Variants in GSK3B observed in about 807,000 individuals in gnomAD.
The protein encoded by GSK3B is glycogen synthase kinase 3 beta.
GSK3B carries 15 observed loss-of-function variants against 56.4 expected under a neutral mutation model. That is an observed-to-expected ratio of 0.27 (90% confidence interval 0.18 to 0.41). The LOEUF (loss-of-function observed/expected upper bound fraction) is 0.41. Ranked by LOEUF, GSK3B falls within the 10% of genes least tolerant of loss-of-function variation. The probability of loss-of-function intolerance (pLI) is 1.00; values close to 1 mark genes in which losing one functional copy is unlikely to be tolerated. For synonymous variants in GSK3B, 181 were observed against 188.9 expected (o/e 0.96, Z 0.34); for missense variants, 300 against 513.4 (o/e 0.58, Z 4.02).
At chr3:120,049,519 A>T (rs2058130239) in intron 1 of GSK3B, among the ~76,000 whole-genome samples, 1 of 152,228 alleles carries the variant, frequency 6.6e-6, no homozygotes, top group African/African-American at 2.4e-5. Flanking sequence ...GAGAAGAGAG[A>T]ACATTTAAGG....
At chr3:119,988,594 G>C (rs1008703817) in intron 2 of GSK3B, among the ~76,000 whole-genome samples, 1 of 152,204 alleles carries the variant, frequency 6.6e-6, no homozygotes, top group African/African-American at 2.4e-5. Context: ...TGTGTACACA[G>C]TCCCTGTACA....
intron 2 of GSK3B, among the ~76,000 whole-genome samples, chr3:119,976,481 G>A (rs530263822): frequency 1.1e-4 from 17 of 152,204 alleles, no homozygotes; most frequent in African/African-American, 3.4e-4. Context: ...ACAAAAGATC[G>A]TACATTGTGT....
intron 5 of GSK3B, 36 bp downstream of exon 5, chr3:119,916,007 GA>G: frequency 1.3e-6 from 2 of 1,504,190 alleles, no homozygotes; most frequent in East Asian, 2.3e-5. Flanking sequence ...GGGAGGAGGG[GA>G]AAAGGGAAGG....
intron 8 of GSK3B, among the ~76,000 whole-genome samples, chr3:119,873,559 A>G (rs1269348914): frequency 1.3e-5 from 2 of 152,104 alleles, no homozygotes; most frequent in African/African-American, 4.8e-5. Context: ...AAATGACTCA[A>G]TTGGCTGCTT....
intron 3 of GSK3B, among the ~76,000 whole-genome samples, chr3:119,930,761 A>G (rs980867310): frequency 3.9e-5 from 6 of 152,256 alleles, no homozygotes; most frequent in African/African-American, 1.4e-4. Flanking sequence ...CCAATAAAAA[A>G]CATCATGCAA....
intron 1 of GSK3B, among the ~76,000 whole-genome samples, chr3:120,035,622 C>G (rs2058015926): frequency 6.6e-6 from 1 of 152,156 alleles, no homozygotes; most frequent in Non-Finnish European, 1.5e-5. Context: ...CATAGGATGT[C>G]CATCCTTTTT....
intron 1 of GSK3B, among the ~76,000 whole-genome samples, chr3:120,007,981 CT>C (rs2057744121): frequency 6.6e-6 from 1 of 150,978 alleles, no homozygotes; most frequent in Non-Finnish European, 1.5e-5. Flanking sequence ...CAAATTGTCT[CT>C]GTTTGACGTC....
At chr3:120,054,944 T>A (rs1576299495) in intron 1 of GSK3B, among the ~76,000 whole-genome samples, 1 of 152,166 alleles carries the variant, frequency 6.6e-6, no homozygotes, top group African/African-American at 2.4e-5. Context: ...TATCTGGGTG[T>A]CTTTCTTGAC....
intron 3 of GSK3B, among the ~76,000 whole-genome samples, chr3:119,933,952 G>A (rs545067896): frequency 3.3e-5 from 5 of 152,188 alleles, no homozygotes; most frequent in Non-Finnish European, 5.9e-5. Flanking sequence ...AGAACTCCCA[G>A]TGGCCAAACC....
chr3:120,035,030 T>G (rs150172508), intron 1 of GSK3B, among the ~76,000 whole-genome samples: 1 of 151,932 alleles, frequency 6.6e-6, no homozygotes, highest in South Asian at 2.1e-4. Context: ...GAGGCGGAGG[T>G]TGCAGTGAGC....
chr3:119,940,747 T>C lies in GSK3B; in HGVS notation c.366+6521A>G, dbSNP rs151260582. The stretch of plus-strand genomic sequence containing the variant: ...TGAAAACCTAATAAAACACCCAAGC[T>C]AGCTCCCTCGAAAAAATGCACAATC... On this transcript the variant is annotated intron_variant, in intron 3 of 10. Coordinates refer to ENST00000264235, the MANE Select transcript of GSK3B (RefSeq NM_001146156.2). Among the ~76,000 whole-genome samples, 315 of 152,264 alleles carry C rather than the reference T, an allele frequency of 2.1e-3. 1 individual carries two copies. The highest frequency in any genetic ancestry group is 5.5e-3 in the Admixed American group (84 of 15,282).
At chr3:119,907,042 T>C (rs2056689333) in intron 6 of GSK3B, among the ~76,000 whole-genome samples, 1 of 152,110 alleles carries the variant, frequency 6.6e-6, no homozygotes, top group Non-Finnish European at 1.5e-5. Flanking sequence ...AGGAAATTGC[T>C]AAATTAAGCA....
chr3:119,854,738 T>C (rs1559809255), intron 9 of GSK3B, among the ~76,000 whole-genome samples: 1 of 152,234 alleles, frequency 6.6e-6, no homozygotes. Context: ...TGATGGCAGT[T>C]TGTATTTCTG....
intron 1 of GSK3B, among the ~76,000 whole-genome samples, chr3:120,067,290 G>C (rs989767914): frequency 6.7e-6 from 1 of 149,816 alleles, no homozygotes; most frequent in Admixed American, 6.6e-5. Context: ...CTGATGTTAT[G>C]CAATAGGAAA....
chr3:119,948,100 A>G (rs2057118025), intron 2 of GSK3B, among the ~76,000 whole-genome samples: 1 of 152,222 alleles, frequency 6.6e-6, no homozygotes, highest in Non-Finnish European at 1.5e-5. Flanking sequence ...AATATACTTG[A>G]CTGACAGAAA....
chr3:120,043,293 C>CTAAAG (rs2058078115), intron 1 of GSK3B, among the ~76,000 whole-genome samples: 1 of 152,126 alleles, frequency 6.6e-6, no homozygotes, highest in African/African-American at 2.4e-5. Context: ...AAGAAAAAAA[C>CTAAAG]CTCTCAAACT....
At position 119,890,431 on chromosome 3, in the gene GSK3B, T is replaced by C. The variant is rs73854734; in HGVS notation, c.814-13923A>G. Among the ~76,000 whole-genome samples, 749 of 152,194 alleles carry C rather than the reference T, an allele frequency of 4.9e-3. 3 individuals carry two copies. The highest frequency in any genetic ancestry group is 0.017 in the African/African-American group (703 of 41,532). On this transcript the variant is annotated intron_variant, in intron 7 of 10. Transcript: ENST00000264235. ...TATGAAATTCTAGAATAGGCATCTG[T>C]AGTGACAGAAAATAGATCAATGATC... is the stretch of plus-strand genomic sequence containing the variant.
chr3:120,015,579 G>A (rs1224753288), intron 1 of GSK3B, among the ~76,000 whole-genome samples: 1 of 146,886 alleles, frequency 6.8e-6, no homozygotes. Flanking sequence ...GAACCCAGGA[G>A]GTGGAGGTTG....
chr3:119,938,456 T>C (rs982754836), intron 3 of GSK3B, among the ~76,000 whole-genome samples: 1 of 152,054 alleles, frequency 6.6e-6, no homozygotes, highest in South Asian at 2.1e-4. Flanking sequence ...TAATCCTTTA[T>C]CTCAGGAATA....
Sources: allele counts gnomAD v4.1 joint callset (sites outside exome capture counted in the v4.1 genomes callset), GRCh38; gene constraint gnomAD v4.1.1; transcripts MANE v1.5; gene names NCBI Gene and HGNC (gene_info 2026-07-23, HGNC 2026-07-21).